SEPTIN9: variants seen among roughly 807,000 people sequenced by gnomAD.
SEPTIN9 encodes septin-9.
A neutral mutation model predicts 56.6 loss-of-function variants in SEPTIN9; 13 were observed. That is an observed-to-expected ratio of 0.23 (90% CI 0.15 to 0.37). The LOEUF (loss-of-function observed/expected upper bound fraction) is 0.37, where lower values mean the gene tolerates loss of function less well. Among genes scored for constraint, SEPTIN9 ranks in the 10% least tolerant of loss-of-function variants. SEPTIN9 has a pLI of 1.00. For missense variants in SEPTIN9, 650 were observed against 823.1 expected, an observed-to-expected ratio of 0.79 and a Z score of 2.57; for synonymous variants, 332 against 334.1, an observed-to-expected ratio of 0.99 and a Z score of 0.07.
At chr17:77,285,467 G>A (rs1214332150) in intron 1 of SEPTIN9, among the ~76,000 whole-genome samples, 3 of 151,984 alleles carry the variant, frequency 2.0e-5, no homozygotes, top group East Asian at 1.9e-4. Flanking sequence ...GCACGATCTC[G>A]GTTCACTGCA....
intron 3 of SEPTIN9, among the ~76,000 whole-genome samples, chr17:77,474,408 T>A (rs1275825734): frequency 1.3e-5 from 2 of 152,342 alleles, no homozygotes; most frequent in East Asian, 3.9e-4. Flanking sequence ...TTATGGAAAC[T>A]AAGATGCTAA....
intron 3 of SEPTIN9, among the ~76,000 whole-genome samples, chr17:77,480,706 G>A (rs1212408757): frequency 2.6e-5 from 4 of 152,192 alleles, no homozygotes; most frequent in South Asian, 2.1e-4. Flanking sequence ...GGTGCCCACC[G>A]GTCCCAGGGA....
chr17:77,394,037 G>A (rs750585270), intron 2 of SEPTIN9, among the ~76,000 whole-genome samples: 13 of 152,156 alleles, frequency 8.5e-5, no homozygotes, highest in African/African-American at 1.7e-4. Flanking sequence ...AGGCCCATAC[G>A]TCCTGTCTCC....
chr17:77,499,368 A>G lies in SEPTIN9; in HGVS notation c.*710A>G, dbSNP rs1352835826. 1 of 576,066 alleles carries G rather than the reference A, an allele frequency of 1.7e-6. No individual in the cohort carries two copies. Among genetic ancestry groups the G allele is most frequent in the Admixed American group, 2.0e-5 (1 of 50,562 alleles). The allele number at this position is 576,066 out of a possible 1,614,324, so 35.7% of individuals were successfully genotyped here. A position where few individuals can be genotyped will look rare whatever the true frequency, so the allele number is the denominator to read the frequency against. The stretch of plus-strand genomic sequence containing the variant: ...AGGGAGGCGTCTTCATCTCCCTGCC[A>G]TCCCCCTCTCACGCCACCCCCGCCC... On this transcript the variant is annotated 3_prime_UTR_variant, in exon 12 of 12. Transcript: ENST00000427177.
At position 77,317,048 on chromosome 17, in the gene SEPTIN9, T is replaced by C. The variant is rs578028750; in HGVS notation, c.76+9851T>C. 3.3e-5 allele frequency among the ~76,000 whole-genome samples: 5 copies of C among 152,296 alleles called. No homozygotes were observed. Among genetic ancestry groups the C allele is most frequent in the South Asian group, 4.1e-4 (2 of 4,826 alleles). ...CATCGGAGTCAGTGGTTGTTAGTGG[T>C]TGGCTTAACACAATGTTTTAGGAAG... On this transcript the variant is annotated intron_variant, in intron 2 of 11. Coordinates refer to ENST00000427177, the MANE Select transcript of SEPTIN9 (RefSeq NM_001113491.2). This position sits in a 1 kb window ranked among gnomAD's most constrained non-coding sequence, Gnocchi z 4.2.
At chr17:77,444,474 G>A (rs1290770373) in intron 3 of SEPTIN9, among the ~76,000 whole-genome samples, 2 of 151,860 alleles carry the variant, frequency 1.3e-5, no homozygotes, top group African/African-American at 2.4e-5. Context: ...GCTGGGGGTC[G>A]GGGAGGGGGG....
Position 77,475,116 on chromosome 17 carries a change from C to A in SEPTIN9, c.722-7028C>A. The A allele has an allele frequency of 1.7e-6, 1 of 600,680 alleles. No individual in the cohort carries two copies. Among genetic ancestry groups the A allele is most frequent in the Non-Finnish European group, 2.2e-6 (1 of 453,502 alleles). 37.2% of individuals were successfully genotyped at this position (600,680 alleles called of 1,614,324 possible). On this transcript the variant is annotated intron_variant, in intron 3 of 11. Coordinates refer to ENST00000427177, the MANE Select transcript of SEPTIN9 (RefSeq NM_001113491.2). This position sits in a 1 kb window ranked among gnomAD's most constrained non-coding sequence, Gnocchi z 4.6. ...TCATTCACCAGACTTTTTGCCGGGG[C>A]TTGCCGTGAGCCCTACGCTGCTCTG...
chr17:77,458,222 C>T (rs189173373), intron 3 of SEPTIN9, among the ~76,000 whole-genome samples: 231 of 152,326 alleles, frequency 1.5e-3, no homozygotes, highest in African/African-American at 5.1e-3. Flanking sequence ...CAGCAGACCC[C>T]GTGCACAGCC....
At chr17:77,308,205 A>G (rs1456363923) in intron 2 of SEPTIN9, among the ~76,000 whole-genome samples, 1 of 152,236 alleles carries the variant, frequency 6.6e-6, no homozygotes, top group Non-Finnish European at 1.5e-5. Context: ...GGCTGCCATC[A>G]TGGTGGCAGA....
chr17:77,452,619 C>G (rs1272320838), intron 3 of SEPTIN9, among the ~76,000 whole-genome samples: 2 of 152,062 alleles, frequency 1.3e-5, no homozygotes, highest in Admixed American at 1.3e-4. Flanking sequence ...GGAGACAGCA[C>G]CTGCTGGATC....
intron 2 of SEPTIN9, among the ~76,000 whole-genome samples, 164 bp downstream of exon 2, chr17:77,307,361 A>G (rs569501523): frequency 2.6e-5 from 4 of 152,218 alleles, no homozygotes; most frequent in African/African-American, 9.7e-5. Context: ...CTTTGGACTC[A>G]GGTGGCTTCC....
intron 2 of SEPTIN9, among the ~76,000 whole-genome samples, chr17:77,362,096 A>C (rs952392632): frequency 1.3e-5 from 2 of 152,216 alleles, no homozygotes; most frequent in African/African-American, 4.8e-5. Flanking sequence ...GAATGTCCAC[A>C]TTCACCTCCT....
chr17:77,378,629 C>G (rs1397370231), intron 2 of SEPTIN9, among the ~76,000 whole-genome samples: 1 of 152,194 alleles, frequency 6.6e-6, no homozygotes, highest in Non-Finnish European at 1.5e-5. Context: ...GGCCGGACAG[C>G]ATGGTCACCA....
intron 3 of SEPTIN9, chr17:77,447,234 C>G (rs56245353): frequency 6.0e-6 from 1 of 166,816 alleles, no homozygotes; most frequent in Non-Finnish European, 1.5e-5. Context: ...GGCCTCCGGA[C>G]GGGCAGGAGT....
At chr17:77,460,671 C>T (rs2038429442) in intron 3 of SEPTIN9, among the ~76,000 whole-genome samples, 1 of 152,170 alleles carries the variant, frequency 6.6e-6, no homozygotes, top group East Asian at 1.9e-4. Context: ...GTCATTTCCT[C>T]TTGGTCCTGT....
rs535636007 is a variant in SEPTIN9, at chr17:77,326,337, G to C, written c.76+19140G>C. On this transcript the variant is annotated intron_variant, in intron 2 of 11. Transcript: ENST00000427177. The surrounding 1 kb of genome is among the most constrained non-coding windows in gnomAD (Gnocchi z 5.1). Reference sequence around the variant, plus strand: ...CAAGTGCAAGACCACATCAGTAAACGTGAAACACAGGAAGTGACAGGTGTG... The same window carrying C: ...CAAGTGCAAGACCACATCAGTAAACCTGAAACACAGGAAGTGACAGGTGTG... Among the ~76,000 whole-genome samples, 4 of 152,224 alleles carry C rather than the reference G, an allele frequency of 2.6e-5. No homozygotes were observed. Among genetic ancestry groups the C allele is most frequent in the African/African-American group, 9.6e-5 (4 of 41,454 alleles).
At chr17:77,458,081 C>T (rs1160150525) in intron 3 of SEPTIN9, among the ~76,000 whole-genome samples, 7 of 152,152 alleles carry the variant, frequency 4.6e-5, no homozygotes, top group African/African-American at 1.7e-4. Flanking sequence ...CCCCAGCGAG[C>T]CCTTCTGAGG....
At chr17:77,309,751 A>G (rs1047050805) in intron 2 of SEPTIN9, among the ~76,000 whole-genome samples, 1 of 152,096 alleles carries the variant, frequency 6.6e-6, no homozygotes, top group Admixed American at 6.5e-5. Context: ...TAAAAAAAAA[A>G]TGGAATTCTT....
intron 2 of SEPTIN9, among the ~76,000 whole-genome samples, chr17:77,359,029 C>T (rs2034337643): frequency 1.3e-5 from 2 of 152,164 alleles, no homozygotes. Context: ...CTCCTGCCGT[C>T]ATGTCTGCAC....
Sources: gnomAD v4.1 joint callset for allele counts (sites outside exome capture counted in the v4.1 genomes callset) on GRCh38, gnomAD v4.1.1 for gene constraint, Gnocchi (gnomAD v3.1) non-coding constraint, MANE v1.5 for transcripts, NCBI Gene and HGNC (gene_info 2026-07-23, HGNC 2026-07-21) for gene names.